Variants in PPP6C observed in about 807,000 individuals in gnomAD.
PPP6C encodes the protein protein phosphatase 6 catalytic subunit.
A neutral mutation model predicts 39.8 loss-of-function variants in PPP6C; 11 were observed. The ratio of observed to expected loss-of-function variants is 0.28; its 90% confidence interval spans 0.17 to 0.46. The LOEUF is 0.46. PPP6C is among the 20% of genes least tolerant of loss of function. The pLI is 1.00. For missense variants in PPP6C, 211 were observed against 373.9 expected, an observed-to-expected ratio of 0.56 and a Z score of 3.59; for synonymous variants, 129 against 130.3, an observed-to-expected ratio of 0.99 and a Z score of 0.07.
chr9:125,189,776 C>CTGT lies in PPP6C; in HGVS notation c.-59_-58insACA. Reference sequence around the variant, plus strand: ...GCGGCGGCTGTAGCAGCGGCGGCGGCAGCGGCGGAGGCCGAAGCCGGAACT... The same window carrying CTGT: ...GCGGCGGCTGTAGCAGCGGCGGCGGCTGTAGCGGCGGAGGCCGAAGCCGGAACT... On this transcript the variant is annotated 5_prime_UTR_variant, in exon 1 of 7. Coordinates refer to ENST00000373547, the MANE Select transcript of PPP6C (RefSeq NM_002721.5). The CTGT allele has an allele frequency of 6.5e-7, 1 of 1,535,760 alleles. No homozygotes were observed. The highest frequency in any genetic ancestry group is 2.1e-5 in the Admixed American group (1 of 48,094).
intron 1 of PPP6C, 35 bp from the exon 2 acceptor site, chr9:125,171,215 T>G (rs1280161461): frequency 2.8e-6 from 4 of 1,446,130 alleles, no homozygotes; most frequent in African/African-American, 1.4e-5. Context: ...AAACATTTAC[T>G]ACAACATTAA....
rs1190261617 is a variant in PPP6C at position 125,188,709 on chromosome 9, G to A, written c.75+935C>T. Among the ~76,000 whole-genome samples, 3 of 151,676 alleles carry A rather than the reference G, an allele frequency of 2.0e-5. No homozygotes were observed. In the East Asian group the frequency reaches 5.8e-4, roughly 29 times the overall value. ...TGAGGCAGGAGAATCGCTTGAACCC[G>A]GGAAGTGGAGGTTGCAGTGAGCCAA... On this transcript the variant is annotated intron_variant, in intron 1 of 6. Coordinates refer to ENST00000373547, the MANE Select transcript of PPP6C (RefSeq NM_002721.5).
At chr9:125,157,730 C>T (rs1429598773) in intron 4 of PPP6C, among the ~76,000 whole-genome samples, 6 of 136,270 alleles carry the variant, frequency 4.4e-5, no homozygotes, top group Admixed American at 4.0e-4. Context: ...CTCCCTATGT[C>T]GCCAGGCTGG....
chr9:125,149,651 G>C lies in PPP6C; in HGVS notation c.*22C>G. 2 of 1,609,690 alleles carry C rather than the reference G, an allele frequency of 1.2e-6. No individual in the cohort carries two copies. Among genetic ancestry groups the C allele is most frequent in the Non-Finnish European group, 1.7e-6 (2 of 1,176,680 alleles). On this transcript the variant is annotated 3_prime_UTR_variant, in exon 7 of 7. Transcript: ENST00000373547. The stretch of plus-strand genomic sequence containing the variant: ...GGGTAAGAAGAGGGCAGAAAAATGG[G>C]TCAGCAGGATGGGCGAAGGCCTCAA...
chr9:125,157,086 C>T (rs565921092), intron 4 of PPP6C, among the ~76,000 whole-genome samples: 3 of 151,778 alleles, frequency 2.0e-5, no homozygotes, highest in East Asian at 3.9e-4. Context: ...CCCATTAACT[C>T]GTCATTTACA....
intron 2 of PPP6C, among the ~76,000 whole-genome samples, chr9:125,168,048 T>A (rs1451049060): frequency 2.0e-5 from 3 of 152,210 alleles, no homozygotes; most frequent in Non-Finnish European, 4.4e-5. Flanking sequence ...AAGAACTCAA[T>A]GATAATCAGT....
intron 1 of PPP6C, among the ~76,000 whole-genome samples, chr9:125,189,127 C>T (rs1024439126): frequency 2.6e-5 from 4 of 152,082 alleles, no homozygotes; most frequent in Non-Finnish European, 5.9e-5. Flanking sequence ...CTGACGTTCG[C>T]TCCCGCCAGT....
intron 2 of PPP6C, among the ~76,000 whole-genome samples, chr9:125,165,313 C>T (rs983501311): frequency 7.2e-5 from 11 of 151,962 alleles, no homozygotes; most frequent in East Asian, 1.9e-4. Flanking sequence ...GCAGAAGAAT[C>T]GCTTGAACCC....
At chr9:125,157,847 C>T (rs1351719955) in intron 4 of PPP6C, among the ~76,000 whole-genome samples, 1 of 152,030 alleles carries the variant, frequency 6.6e-6, no homozygotes, top group Non-Finnish European at 1.5e-5. Flanking sequence ...CACACCACCA[C>T]GCTCAGCTCA....
At chr9:125,173,238 C>T (rs1235563375) in intron 1 of PPP6C, among the ~76,000 whole-genome samples, 1 of 151,866 alleles carries the variant, frequency 6.6e-6, no homozygotes, top group Non-Finnish European at 1.5e-5. Flanking sequence ...TAGTGAAACC[C>T]CGTCTCTATT....
chr9:125,182,393 G>A (rs570385482), intron 1 of PPP6C, among the ~76,000 whole-genome samples: 57 of 152,214 alleles, frequency 3.7e-4, no homozygotes, highest in Non-Finnish European at 6.6e-4. Context: ...TGTAAAATGA[G>A]CATTTTGGGA....
chr9:125,172,031 G>C, intron 1 of PPP6C: 1 of 456,186 alleles, frequency 2.2e-6, no homozygotes, highest in Non-Finnish European at 4.5e-6. Context: ...CCTTCAATGA[G>C]TGAATGGTTA....
chr9:125,155,567 A>G (rs1836047546), intron 4 of PPP6C, among the ~76,000 whole-genome samples: 1 of 152,182 alleles, frequency 6.6e-6, no homozygotes, highest in East Asian at 1.9e-4. Context: ...TTCCTTGAAA[A>G]TCAATATAAG....
At chr9:125,150,359 T>C (rs374275784) in intron 6 of PPP6C, among the ~76,000 whole-genome samples, 2 of 152,252 alleles carry the variant, frequency 1.3e-5, no homozygotes, top group East Asian at 1.9e-4. Flanking sequence ...GATACACTGA[T>C]GCAGGATCAG....
At chr9:125,189,436 G>A in intron 1 of PPP6C, 1 of 1,353,690 alleles carries the variant, frequency 7.4e-7, no homozygotes, top group Non-Finnish European at 9.8e-7. Context: ...ACATCCCTCG[G>A]GATCCCCACT....
intron 1 of PPP6C, among the ~76,000 whole-genome samples, chr9:125,187,371 G>A (rs1051393241): frequency 2.0e-5 from 3 of 150,612 alleles, no homozygotes; most frequent in African/African-American, 4.9e-5. Flanking sequence ...CAATTCTCCC[G>A]GGTTCAAGCC....
chr9:125,149,632 G>A lies in PPP6C; in HGVS notation c.*41C>T, dbSNP rs774681081. On this transcript the variant is annotated 3_prime_UTR_variant, in exon 7 of 7. Transcript: ENST00000373547. ...GGGTAATACAAGAAAATTGGGGTAA[G>A]AAGAGGGCAGAAAAATGGGTCAGCA... The A allele has an allele frequency of 6.9e-6, 11 of 1,600,852 alleles. No homozygotes were observed. Among genetic ancestry groups the A allele is most frequent in the Non-Finnish European group, 9.4e-6 (11 of 1,171,298 alleles).
chr9:125,157,033 G>A (rs532249329), intron 4 of PPP6C, among the ~76,000 whole-genome samples: 8 of 151,904 alleles, frequency 5.3e-5, no homozygotes, highest in East Asian at 3.9e-4. Context: ...ACAACGTGTC[G>A]GTCTTTTACA....
At chr9:125,180,393 G>C (rs16927919) in intron 1 of PPP6C, among the ~76,000 whole-genome samples, 1,955 of 152,146 alleles carry the variant, frequency 0.013, 101 homozygotes, top group Admixed American at 0.082. Context: ...AATATGCCAG[G>C]AACTGATGAA....
Sources: allele counts gnomAD v4.1 joint callset (sites outside exome capture counted in the v4.1 genomes callset), GRCh38; gene constraint gnomAD v4.1.1; transcripts MANE v1.5; gene names NCBI Gene and HGNC (gene_info 2026-07-23, HGNC 2026-07-21).